TANK: variants seen among roughly 807,000 people sequenced by gnomAD.
TANK encodes TRAF family member associated NFKB activator.
In TANK, 15 loss-of-function variants were observed where a neutral mutation model predicts 43.6. That is an observed-to-expected ratio of 0.34 (90% CI 0.23 to 0.53). The LOEUF is 0.53. Among genes scored for constraint, TANK ranks in the 20% least tolerant of loss-of-function variants. The probability of loss-of-function intolerance (pLI) is 0.94; values close to 1 mark genes in which losing one functional copy is unlikely to be tolerated. For synonymous variants in TANK, 162 were observed against 178.2 expected (o/e 0.91, Z 0.73); for missense variants, 417 against 498.6 (o/e 0.84, Z 1.56).
chr2:161,144,204 C>A (rs1683836773), intron 1 of TANK, among the ~76,000 whole-genome samples: 1 of 152,024 alleles, frequency 6.6e-6, no homozygotes, highest in African/African-American at 2.4e-5. Context: ...TCTCTCGTTT[C>A]TTTTTTATTA....
chr2:161,162,484 A>G (rs976180749), intron 1 of TANK: 4 of 152,046 alleles, frequency 2.6e-5, no homozygotes, highest in African/African-American at 9.7e-5. Context: ...TTCTAGGAAA[A>G]CAATCATCTA....
Position 161,231,369 on chromosome 2 carries a change from G to A in TANK, c.919G>A (p.Asp307Asn). Residue 307 changes from aspartate (D) to asparagine (N), a missense_variant, in exon 7 of 8, where the codon GAC becomes AAC. By Grantham distance (23) the Asp-to-Asn change is conservative. Transcript: ENST00000392749. ...ASAIQNLKTT[D>N]KTKPSNLVNT... is the part of the protein sequence containing the mutation. Reference sequence around the variant, plus strand: ...AGCTATACAAAACCTTAAAACAACTGACAAAACAAAGCCCTCAAATCTCGT... The same window carrying A: ...AGCTATACAAAACCTTAAAACAACTAACAAAACAAAGCCCTCAAATCTCGT... 1 of 1,614,094 alleles carries A rather than the reference G, an allele frequency of 6.2e-7. No homozygotes were observed. Among genetic ancestry groups the A allele is most frequent in the Non-Finnish European group, 8.5e-7 (1 of 1,180,012 alleles).
chr2:161,233,422 T>A (rs57594925), intron 7 of TANK, among the ~76,000 whole-genome samples: 11,970 of 151,692 alleles, frequency 0.079, 1,247 homozygotes, highest in African/African-American at 0.24. Context: ...ATTTTTTTTT[T>A]AAAAAAATCC....
At chr2:161,156,950 T>C (rs1684243813), upstream of TANK, among the ~76,000 whole-genome samples, 8 of 152,170 alleles carry the variant, frequency 5.3e-5, no homozygotes, top group Admixed American at 5.2e-4. Context: ...TCATTATTAG[T>C]TTCCTAAGCT....
Position 161,231,101 on chromosome 2 carries a change from G to C in TANK, c.651G>C (p.Leu217=), listed in dbSNP as rs769587706. The C allele has an allele frequency of 3.6e-5, 58 of 1,614,152 alleles. No individual in the cohort carries two copies. The highest frequency in any genetic ancestry group is 4.6e-5 in the Non-Finnish European group (54 of 1,180,014). ...TCACATCTGTCACACCAAGAGGACT[G>C]TGCAGAGATGAGGAAGACACCTCTT... The part of the protein sequence containing the change: ...PSITSVTPRG[L]CRDEEDTSFE... The change falls in exon 7 of 8, where the codon CTG becomes CTC. Residue 217 remains leucine (L), a synonymous_variant. Transcript: ENST00000392749.
At chr2:161,192,343 T>G (rs1685954940) in intron 2 of TANK, among the ~76,000 whole-genome samples, 1 of 152,214 alleles carries the variant, frequency 6.6e-6, no homozygotes, top group Admixed American at 6.5e-5. Context: ...AATACTACCT[T>G]TTATTTTCCC....
At chr2:161,226,554 C>T (rs1687623601) in intron 6 of TANK, among the ~76,000 whole-genome samples, 1 of 152,098 alleles carries the variant, frequency 6.6e-6, no homozygotes, top group African/African-American at 2.4e-5. Context: ...ATGATTTGCA[C>T]AATATATCTG....
At chr2:161,142,572 A>G (rs1252454940) in intron 1 of TANK, among the ~76,000 whole-genome samples, 1 of 152,172 alleles carries the variant, frequency 6.6e-6, no homozygotes, top group South Asian at 2.1e-4. Context: ...CATTTATTAA[A>G]TGGGGAATCC....
intron 1 of TANK, among the ~76,000 whole-genome samples, chr2:161,172,015 A>G (rs1326270370): frequency 6.6e-6 from 1 of 152,182 alleles, no homozygotes; most frequent in Non-Finnish European, 1.5e-5. Context: ...AGAGTAGAAG[A>G]TACTTAAGGA....
chr2:161,174,276 G>A (rs1467011685), intron 1 of TANK, among the ~76,000 whole-genome samples: 1 of 152,110 alleles, frequency 6.6e-6, no homozygotes, highest in Non-Finnish European at 1.5e-5. Context: ...AAGTGTTTAG[G>A]AGGGAATATA....
intron 2 of TANK, chr2:161,197,595 TC>T: frequency 6.4e-6 from 1 of 156,568 alleles, no homozygotes; most frequent in Non-Finnish European, 1.4e-5. Context: ...AGATCGAGGC[TC>T]CAGCAGGCTT....
intron 6 of TANK, among the ~76,000 whole-genome samples, chr2:161,225,164 G>A (rs1201278172): frequency 6.6e-6 from 1 of 151,896 alleles, no homozygotes; most frequent in Non-Finnish European, 1.5e-5. Context: ...TATAACATCA[G>A]GTTTGTTTGT....
chr2:161,208,922 T>A (rs1686763603), intron 4 of TANK, among the ~76,000 whole-genome samples: 1 of 152,218 alleles, frequency 6.6e-6, no homozygotes, highest in Admixed American at 6.5e-5. Flanking sequence ...AAGGGAAAAG[T>A]ATCTAAGTTT....
At chr2:161,219,637 T>C in intron 4 of TANK, 1 of 374,736 alleles carries the variant, frequency 2.7e-6, no homozygotes, top group Admixed American at 4.3e-5. Flanking sequence ...TCTTATCAAA[T>C]ATCTTTTTGT....
intron 6 of TANK, among the ~76,000 whole-genome samples, chr2:161,229,749 G>A (rs1456058801): frequency 6.6e-6 from 1 of 152,188 alleles, no homozygotes; most frequent in East Asian, 1.9e-4. Flanking sequence ...TATACCTTGT[G>A]TTCTGTATAC....
chr2:161,225,756 A>T (rs1180391455), intron 6 of TANK, among the ~76,000 whole-genome samples: 1 of 152,206 alleles, frequency 6.6e-6, no homozygotes, highest in African/African-American at 2.4e-5. Flanking sequence ...TTAATTAAAG[A>T]TCACTTTCCA....
intron 1 of TANK, chr2:161,161,385 G>T (rs1418746222): frequency 6.4e-7 from 1 of 1,550,790 alleles, no homozygotes; most frequent in Non-Finnish European, 8.7e-7. Context: ...CCTTCTTACC[G>T]CGGTTGGAAT....
intron 2 of TANK, among the ~76,000 whole-genome samples, chr2:161,201,675 T>C (rs916262179): frequency 2.6e-5 from 4 of 152,218 alleles, no homozygotes; most frequent in African/African-American, 9.6e-5. Flanking sequence ...TCTTCAGCCC[T>C]GGTGGTGCTC....
At chr2:161,195,643 G>A (rs941040470) in intron 2 of TANK, among the ~76,000 whole-genome samples, 3 of 152,132 alleles carry the variant, frequency 2.0e-5, no homozygotes, top group Admixed American at 6.5e-5. Flanking sequence ...GGGGACAAGG[G>A]TGAGGGGTAG....
Sources: gnomAD v4.1 joint callset for allele counts (sites outside exome capture counted in the v4.1 genomes callset) on GRCh38, gnomAD v4.1.1 for gene constraint, MANE v1.5 for transcripts, NCBI Gene and HGNC (gene_info 2026-07-23, HGNC 2026-07-21) for gene names.